The following DNAH12 variants were observed in gnomAD, a reference collection of about 807,000 sequenced individuals.
DNAH12 encodes the protein dynein axonemal heavy chain 12.
A neutral mutation model predicts 371.5 loss-of-function variants in DNAH12; 285 were observed. That is an observed-to-expected ratio of 0.77 (90% CI 0.70 to 0.85). The LOEUF (loss-of-function observed/expected upper bound fraction) is 0.85. DNAH12 is among the 40% of genes least tolerant of loss of function. The pLI is 0.00. For missense variants in DNAH12, 3,611 were observed against 3,689.4 expected, an observed-to-expected ratio of 0.98 and a Z score of 0.55; for synonymous variants, 1,200 against 1,213.0, an observed-to-expected ratio of 0.99 and a Z score of 0.22.
intron 71 of DNAH12, 145 bp from the exon 72 acceptor site, chr3:57,296,580 T>G: frequency 1.3e-6 from 1 of 784,152 alleles, no homozygotes; most frequent in Non-Finnish European, 2.0e-6. Context: ...CAGCCGTAGT[T>G]TGTAAAAAAG....
At chr3:57,379,102 A>G (rs2063336832) in intron 52 of DNAH12, 56 bp downstream of exon 52, 1 of 152,210 alleles carries the variant, frequency 6.6e-6, no homozygotes, top group Non-Finnish European at 1.5e-5. Context: ...ATAAGCACAG[A>G]TTCTAATTCC....
chr3:57,541,795 G>A (rs1168774568), intron 2 of DNAH12, among the ~76,000 whole-genome samples: 11 of 151,390 alleles, frequency 7.3e-5, no homozygotes, highest in Admixed American at 7.2e-4. Context: ...ATCTAAAGAA[G>A]GTATATGATT....
chr3:57,406,286 G>A (rs558584146), intron 40 of DNAH12, among the ~76,000 whole-genome samples: 4 of 148,302 alleles, frequency 2.7e-5, no homozygotes, highest in Non-Finnish European at 4.4e-5. Flanking sequence ...GGGAGGTGGA[G>A]GTAGACATTG....
Position 57,352,201 on chromosome 3 carries a change from C to T in DNAH12, c.9558G>A (p.Lys3186=). The T allele has an allele frequency of 6.5e-7, 1 of 1,532,796 alleles. No homozygotes were observed. The highest frequency in any genetic ancestry group is 8.8e-7 in the Non-Finnish European group (1 of 1,142,540). The allele number at this position is 1,532,796 out of a possible 1,614,324, so 94.9% of individuals were successfully genotyped here. A position where few individuals can be genotyped will look rare whatever the true frequency, so the allele number is the denominator to read the frequency against. ...AGTGGTCATTTAAATATCGTAGGCG[C>T]TTTTCCAAAATCTTGGATTTGTTAC... is the stretch of plus-strand genomic sequence containing the variant. The part of the protein sequence containing the change: ...HDSNKSKILE[K]RLRYLNDHFT... The change falls in exon 60 of 74, where the codon AAG becomes AAA. Residue 3186 remains lysine, a synonymous_variant. Transcript: ENST00000495027.
At chr3:57,438,369 G>A (rs890539376) in intron 29 of DNAH12, among the ~76,000 whole-genome samples, 1 of 151,884 alleles carries the variant, frequency 6.6e-6, no homozygotes, top group Admixed American at 6.6e-5. Flanking sequence ...ATCTTAGCCT[G>A]TATAATTATT....
chr3:57,530,603 G>T, intron 2 of DNAH12: 1 of 607,234 alleles, frequency 1.6e-6, no homozygotes. Context: ...CCCCCTTCTT[G>T]CAGCCCAGGG....
intron 25 of DNAH12, among the ~76,000 whole-genome samples, chr3:57,451,758 T>G (rs547702356): frequency 1.3e-5 from 2 of 152,154 alleles, no homozygotes; most frequent in African/African-American, 4.8e-5. Flanking sequence ...CATCAGGTGA[T>G]GGTCAGGTGT....
At chr3:57,518,217 T>C (rs2068272286) in intron 4 of DNAH12, among the ~76,000 whole-genome samples, 1 of 152,000 alleles carries the variant, frequency 6.6e-6, no homozygotes, top group African/African-American at 2.4e-5. Flanking sequence ...CTCGATATCA[T>C]AGTAGTTGAT....
At chr3:57,455,055 T>C (rs1303353980) in intron 22 of DNAH12, among the ~76,000 whole-genome samples, 161 bp from the exon 23 acceptor site, 4 of 152,144 alleles carry the variant, frequency 2.6e-5, no homozygotes, top group Non-Finnish European at 5.9e-5. Context: ...CCAAATTTTA[T>C]AAATTATTAT....
intron 59 of DNAH12, among the ~76,000 whole-genome samples, chr3:57,355,480 T>C (rs989874986): frequency 6.8e-6 from 1 of 146,480 alleles, no homozygotes; most frequent in South Asian, 2.1e-4. Context: ...TATAGCATTT[T>C]ATGCCTAAAT....
In DNAH12 at chr3:57,419,532, T is replaced by A; in HGVS notation, c.5563-14A>T. The A allele has an allele frequency of 3.5e-6, 5 of 1,422,514 alleles. No individual in the cohort carries two copies. The highest frequency in any genetic ancestry group is 4.6e-6 in the Non-Finnish European group (5 of 1,087,122). 88.1% of individuals were successfully genotyped at this position (1,422,514 alleles called of 1,614,324 possible). A position where few individuals can be genotyped will look rare whatever the true frequency, so the allele number is the denominator to read the frequency against. On this transcript the variant is annotated splice_polypyrimidine_tract_variant and intron_variant, in intron 36 of 73. Transcript: ENST00000495027. ...TTTGTTTTTCAACTACAAGAAAATATAAGTTTTAAAATATTAAAACCATGT... is the reference window on the plus strand; with the variant it reads ...TTTGTTTTTCAACTACAAGAAAATAAAAGTTTTAAAATATTAAAACCATGT...
In DNAH12 at chr3:57,377,353, TTC is replaced by T. The variant is rs1283206846; in HGVS notation, c.8224-133_8224-132del. Reference sequence around the variant, plus strand: ...TTATATAAACATTTTGCCTTAAATCTTCTGTTTTCACATACAAAGTAAAATAT... The same window carrying T: ...TTATATAAACATTTTGCCTTAAATCTTGTTTTCACATACAAAGTAAAATAT... On this transcript the variant is annotated intron_variant, in intron 52 of 73. Coordinates refer to ENST00000495027, the MANE Select transcript of DNAH12 (RefSeq NM_001366028.2). 86 of 152,248 alleles carry T rather than the reference TTC, an allele frequency of 5.6e-4. 1 individual carries two copies. The East Asian group carries it at 0.014, about 25-fold the overall frequency. The allele number at this position is 152,248 out of a possible 1,614,324, so 9.4% of individuals were successfully genotyped here.
At position 57,483,394 on chromosome 3, in the gene DNAH12, C is replaced by A; in HGVS notation, c.1632G>T (p.Glu544Asp). ...TCCTTACCTGGATCCTTAAAATCAACTCTTCGATTCCTACAGTCCGGGCTT... is the reference window on the plus strand; with the variant it reads ...TCCTTACCTGGATCCTTAAAATCAAATCTTCGATTCCTACAGTCCGGGCTT... ...VEKARTVGIE[E>D]LILRIQESKR... The change falls in exon 13 of 74, where the codon GAG becomes GAT. Residue 544 changes from glutamate to aspartate, a missense_variant. By Grantham distance (45) the Glu-to-Asp change is conservative (BLOSUM62 2). Transcript: ENST00000495027. The A allele has an allele frequency of 6.5e-7, 1 of 1,545,392 alleles. No individual in the cohort carries two copies. The highest frequency in any genetic ancestry group is 1.2e-5 in the South Asian group (1 of 82,004).
At chr3:57,553,333 T>C in the DNAH12 span, among the ~76,000 whole-genome samples, 2 of 152,170 alleles carry the variant, frequency 1.3e-5, no homozygotes, top group Admixed American at 6.6e-5. Flanking sequence ...TGTTCCTGAG[T>C]ATCCATGTGG....
At position 57,445,217 on chromosome 3, in the gene DNAH12, C is replaced by T; in HGVS notation, c.4382G>A (p.Gly1461Asp). The change falls in exon 28 of 74, where the codon GGC (glycine) becomes GAC (aspartate). Residue 1461 changes from glycine to aspartate, a missense_variant. Gly to Asp is a moderately conservative substitution (Grantham distance 94). Coordinates refer to ENST00000495027, the MANE Select transcript of DNAH12 (RefSeq NM_001366028.2). ...RAVKAVLVAA[G>D]NLKLKYPNEN... ...ATTTGGGTATTTTAGTTTTAGATTG[C>T]CAGCAGCCACTAAAACGGCTTTTAC... 6.5e-7 allele frequency: 1 copy of T among 1,549,408 alleles called. No individual in the cohort carries two copies. Among genetic ancestry groups the T allele is most frequent in the South Asian group, 1.2e-5 (1 of 83,684 alleles).
chr3:57,320,065 G>T (rs979213524), intron 65 of DNAH12, among the ~76,000 whole-genome samples: 1 of 152,048 alleles, frequency 6.6e-6, no homozygotes, highest in Non-Finnish European at 1.5e-5. Context: ...GTATATATAT[G>T]ATATGCTATA....
rs1294052536 is a variant in DNAH12, at chr3:57,452,842, C to T, written c.3786+1G>A. On this transcript the variant is annotated splice_donor_variant, in intron 25 of 73. Coordinates refer to ENST00000495027, the MANE Select transcript of DNAH12 (RefSeq NM_001366028.2). LOFTEE classifies it high-confidence loss of function. ...TGAATTAAGATAATTTAAATGCATA[C>T]CAATGTTCTGTAACACCTGTCAGTT... 1 of 1,540,070 alleles carries T rather than the reference C, an allele frequency of 6.5e-7. No individual in the cohort carries two copies. Among genetic ancestry groups the T allele is most frequent in the Non-Finnish European group, 8.7e-7 (1 of 1,143,654 alleles).
intron 70 of DNAH12, 149 bp downstream of exon 70, chr3:57,301,586 G>A: frequency 1.2e-6 from 1 of 857,268 alleles, no homozygotes; most frequent in African/African-American, 1.7e-5. Context: ...ACACTCAAGT[G>A]ACCACAGCCA....
intron 12 of DNAH12, 56 bp from the exon 13 acceptor site, chr3:57,483,567 A>G: frequency 6.8e-7 from 1 of 1,467,462 alleles, no homozygotes; most frequent in Non-Finnish European, 9.1e-7. Context: ...TATCATATTC[A>G]ATAAATGTGT....
Sources: gnomAD v4.1 joint callset for allele counts (sites outside exome capture counted in the v4.1 genomes callset) on GRCh38, gnomAD v4.1.1 for gene constraint, MANE v1.5 for transcripts, NCBI Gene and HGNC (gene_info 2026-07-23, HGNC 2026-07-21) for gene names.